Variants in TMEM165 observed in about 807,000 individuals in gnomAD.
The protein encoded by TMEM165 is transmembrane protein 165, also known as putative divalent cation/proton antiporter TMEM165.
A neutral mutation model predicts 30.0 loss-of-function variants in TMEM165; 19 were observed. The ratio of observed to expected loss-of-function variants is 0.63; its 90% CI spans 0.44 to 0.93. The LOEUF is 0.93. Ranked by LOEUF, TMEM165 falls within the 40% of genes least tolerant of loss-of-function variation. The pLI, the probability that TMEM165 is intolerant of heterozygous loss-of-function variation, is 0.00. For missense variants in TMEM165, 340 were observed against 417.0 expected, an observed-to-expected ratio of 0.82 and a Z score of 1.61; for synonymous variants, 168 against 162.9, an observed-to-expected ratio of 1.03 and a Z score of -0.24.
intron 3 of TMEM165, chr4:55,435,689 T>C (rs1175873338): frequency 2.3e-6 from 3 of 1,287,186 alleles, no homozygotes; most frequent in Admixed American, 1.8e-5. Context: ...AGGGACAAAA[T>C]CCTTAAAATT....
At chr4:55,398,859 A>G (rs1720836317) in intron 1 of TMEM165, 1 of 144,852 alleles carries the variant, frequency 6.9e-6, no homozygotes, top group African/African-American at 2.5e-5. Context: ...TGGCTGTAAA[A>G]TAAACTCAAC....
chr4:55,396,968 G>T (rs138759813), intron 1 of TMEM165, among the ~76,000 whole-genome samples: 1 of 152,294 alleles, frequency 6.6e-6, no homozygotes, highest in African/African-American at 2.4e-5. Flanking sequence ...GTGCTGCAGC[G>T]ATGTGGGATG....
chr4:55,426,440 T>C (rs1303949890), downstream of TMEM165, among the ~76,000 whole-genome samples: 1 of 152,180 alleles, frequency 6.6e-6, no homozygotes, highest in African/African-American at 2.4e-5. Flanking sequence ...CCTAATGTCA[T>C]TCATTATGCT....
At chr4:55,439,265 T>C (rs1723149565) in intron 3 of TMEM165, among the ~76,000 whole-genome samples, 1 of 152,056 alleles carries the variant, frequency 6.6e-6, no homozygotes, top group African/African-American at 2.4e-5. Flanking sequence ...GAAAAGGTGC[T>C]CCACATCACT....
chr4:55,425,333 A>C, intron 5 of TMEM165, 43 bp from the exon 6 acceptor site: 1 of 1,496,202 alleles, frequency 6.7e-7, no homozygotes, highest in Non-Finnish European at 9.3e-7. Context: ...GTATCAAGGT[A>C]TAGGAATTTT....
chr4:55,407,355 T>C (rs905656048), intron 1 of TMEM165, among the ~76,000 whole-genome samples: 5 of 152,216 alleles, frequency 3.3e-5, no homozygotes, highest in Non-Finnish European at 7.3e-5. Flanking sequence ...GCACTTGATA[T>C]GTGGCTAATC....
At chr4:55,446,040 C>T (rs185118734) in intron 3 of TMEM165, among the ~76,000 whole-genome samples, 1 of 151,686 alleles carries the variant, frequency 6.6e-6, no homozygotes, top group African/African-American at 2.4e-5. Flanking sequence ...CACATACACC[C>T]TGGATTTACA....
chr4:55,430,589 C>T (rs1293246142), downstream of TMEM165: 1 of 151,988 alleles, frequency 6.6e-6, no homozygotes, highest in Non-Finnish European at 1.5e-5. Context: ...TTCCTTTAAC[C>T]AAAGTATTCT....
At chr4:55,400,246 TTA>T (rs1209474254) in intron 1 of TMEM165, among the ~76,000 whole-genome samples, 24 of 63,880 alleles carry the variant, frequency 3.8e-4, no homozygotes, top group Admixed American at 6.9e-4. Flanking sequence ...GTAATTAATA[TTA>T]TATTATATTA....
At position 55,425,715 on chromosome 4, in the gene TMEM165, A is replaced by AGAAT. The variant is rs1290723300; in HGVS notation, c.*266_*267insTGAA. 1.2e-5 allele frequency: 4 copies of AGAAT among 326,532 alleles called. No homozygotes were observed. The highest frequency in any genetic ancestry group is 6.5e-5 in the African/African-American group (3 of 46,334). The allele number at this position is 326,532 out of a possible 1,614,324, so 20.2% of individuals were successfully genotyped here. On this transcript the variant is annotated 3_prime_UTR_variant, in exon 6 of 6. Coordinates refer to ENST00000381334, the MANE Select transcript of TMEM165 (RefSeq NM_018475.5). ...ATGGTCCTCATTTTTCTTTTGGTGC[A>AGAAT]GAACCGTTGTGCAGTGGGGTCTACC...
In TMEM165 at chr4:55,396,403, G is replaced by A. The variant is rs990559104; in HGVS notation, c.207+7G>A. On this transcript the variant is annotated splice_region_variant and intron_variant, in intron 1 of 5. Transcript: ENST00000381334. ...CGAGCCGGCCCGGGTCGAGGTGAGC[G>A]GGCCGGGATGGGGCGAGCGAGGCTG... 9 of 1,463,208 alleles carry A rather than the reference G, an allele frequency of 6.2e-6. No individual in the cohort carries two copies. In the African/African-American group the frequency reaches 8.9e-5, roughly 14 times the overall value. 90.6% of individuals were successfully genotyped at this position (1,463,208 alleles called of 1,614,324 possible).
chr4:55,424,099 GTT>G (rs1420556133), intron 4 of TMEM165: 1 of 156,858 alleles, frequency 6.4e-6, no homozygotes, highest in African/African-American at 2.4e-5. Context: ...CTGAGGCAGG[GTT>G]TCTGTTCCCA....
At position 55,448,852 on chromosome 4, in the gene TMEM165, G is replaced by T. The variant is rs754426983; in HGVS notation, c.409-3387G>T. 1.5e-5 allele frequency: 24 copies of T among 1,613,618 alleles called. No individual in the cohort carries two copies. In the African/African-American group the frequency reaches 2.8e-4, roughly 19 times the overall value. On this transcript the variant is annotated intron_variant, in intron 3 of 3. Transcript: ENST00000608091. ...TGGCTGTGTTAATGATGAACCAACA[G>T]ACTGGGAATTTATGGACTAGAGCAA...
At chr4:55,442,596 T>A in intron 3 of TMEM165, 2 of 1,612,790 alleles carry the variant, frequency 1.2e-6, no homozygotes, top group Non-Finnish European at 1.7e-6. Flanking sequence ...TGGGTAGAGA[T>A]GTTTGCTGAC....
chr4:55,435,596 T>C (rs1560409437), intron 3 of TMEM165: 1 of 1,613,732 alleles, frequency 6.2e-7, no homozygotes, highest in Admixed American at 1.7e-5. Flanking sequence ...CCTAGAAGTC[T>C]AAAAAACAAA....
At chr4:55,403,172 C>A in intron 1 of TMEM165, 1 of 1,007,314 alleles carries the variant, frequency 9.9e-7, no homozygotes, top group Non-Finnish European at 1.4e-6. Flanking sequence ...ACTCCTTTGT[C>A]TTCAGATAAT....
chr4:55,399,733 A>T (rs1720874016), intron 1 of TMEM165, among the ~76,000 whole-genome samples: 1 of 151,764 alleles, frequency 6.6e-6, no homozygotes, highest in Admixed American at 6.6e-5. Context: ...GTTTTATTTA[A>T]TTTTTTTTAT....
At chr4:55,399,551 T>C (rs1052914260) in intron 1 of TMEM165, among the ~76,000 whole-genome samples, 5 of 152,172 alleles carry the variant, frequency 3.3e-5, no homozygotes, top group Non-Finnish European at 5.9e-5. Context: ...GCAGGTATTT[T>C]GTTGAAGTTT....
At chr4:55,443,674 T>A (rs769601778) in intron 3 of TMEM165, 29 of 1,608,628 alleles carry the variant, frequency 1.8e-5, no homozygotes, top group Non-Finnish European at 2.5e-5. Context: ...CCCGCTGTGC[T>A]CAGTAACATT....
Sources: allele counts gnomAD v4.1 joint callset (sites outside exome capture counted in the v4.1 genomes callset), GRCh38; gene constraint gnomAD v4.1.1; transcripts MANE v1.5; gene names NCBI Gene and HGNC (gene_info 2026-07-23, HGNC 2026-07-21).